BACH2: variants seen among roughly 807,000 people sequenced by gnomAD.
BACH2 encodes BACH transcriptional regulator 2, also known as transcription regulator protein BACH2.
Under a neutral mutation model 61.8 loss-of-function variants are expected in BACH2, and 5 were observed. The ratio of observed to expected loss-of-function variants is 0.08; its 90% CI spans 0.04 to 0.17. The LOEUF is 0.17. Ranked by LOEUF, BACH2 falls within the 10% of genes least tolerant of loss-of-function variation. The pLI is 1.00. For synonymous variants in BACH2, 446 were observed against 440.1 expected (o/e 1.01, Z -0.17); for missense variants, 824 against 1,091.1 (o/e 0.76, Z 3.45).
Position 90,138,799 on chromosome 6 carries a change from G to C in BACH2, c.-161-49690C>G, listed in dbSNP as rs73505253. ...ACTCCCAACAGCTCTATCAGGAATG[G>C]AAACAAACACAATGAGCTGGGGCAT... On this transcript the variant is annotated intron_variant, in intron 4 of 8. Transcript: ENST00000257749. Among the ~76,000 whole-genome samples the C allele has an allele frequency of 5.0e-3, 756 of 152,266 alleles. 10 individuals carry two copies. Among genetic ancestry groups the C allele is most frequent in the African/African-American group, 0.017 (720 of 41,536 alleles).
At chr6:90,088,537 T>C (rs1782026349) in intron 5 of BACH2, among the ~76,000 whole-genome samples, 1 of 152,208 alleles carries the variant, frequency 6.6e-6, no homozygotes, top group Non-Finnish European at 1.5e-5. Flanking sequence ...CTTAATTTAA[T>C]GCTATTTATT....
At chr6:90,283,438 C>A (rs1452137726) in intron 1 of BACH2, among the ~76,000 whole-genome samples, 2 of 151,000 alleles carry the variant, frequency 1.3e-5, no homozygotes. Flanking sequence ...TGCTGTGGTG[C>A]GATCTTGGCT....
chr6:90,197,708 G>C (rs761032999), intron 4 of BACH2, among the ~76,000 whole-genome samples: 4 of 152,126 alleles, frequency 2.6e-5, no homozygotes, highest in African/African-American at 9.7e-5. Flanking sequence ...GATGATGTAG[G>C]ACAAGAACCT....
intron 3 of BACH2, among the ~76,000 whole-genome samples, chr6:90,244,691 A>G (rs1425190201): frequency 3.9e-5 from 6 of 152,126 alleles, no homozygotes; most frequent in Non-Finnish European, 8.8e-5. Flanking sequence ...TGCCTGTGCT[A>G]TGGGGACCAC....
At chr6:90,165,306 T>C (rs376927618) in intron 4 of BACH2, among the ~76,000 whole-genome samples, 4 of 152,146 alleles carry the variant, frequency 2.6e-5, no homozygotes, top group South Asian at 2.1e-4. Context: ...AACTCCCATT[T>C]ACAATTGCTT....
At chr6:90,222,290 G>A (rs762240263) in intron 3 of BACH2, among the ~76,000 whole-genome samples, 1 of 152,172 alleles carries the variant, frequency 6.6e-6, no homozygotes, top group Non-Finnish European at 1.5e-5. Context: ...TTTATTTCAT[G>A]AGACAATGGC....
At chr6:90,166,341 A>G (rs1767616200) in intron 4 of BACH2, among the ~76,000 whole-genome samples, 1 of 152,142 alleles carries the variant, frequency 6.6e-6, no homozygotes, top group Non-Finnish European at 1.5e-5. Flanking sequence ...AATGCAAATC[A>G]AAACCACAAT....
At chr6:89,990,776 G>C in intron 6 of BACH2, among the ~76,000 whole-genome samples, 1 of 152,114 alleles carries the variant, frequency 6.6e-6, no homozygotes, top group East Asian at 1.9e-4. Flanking sequence ...TTAAGTTGCT[G>C]ATCACTAACT....
At chr6:90,163,660 C>T (rs1767489751) in intron 4 of BACH2, among the ~76,000 whole-genome samples, 1 of 152,104 alleles carries the variant, frequency 6.6e-6, no homozygotes, top group African/African-American at 2.4e-5. Context: ...CATTCCCATC[C>T]TGTGAAATTA....
At chr6:90,005,941 A>T (rs528700770) in intron 6 of BACH2, among the ~76,000 whole-genome samples, 10 of 152,340 alleles carry the variant, frequency 6.6e-5, no homozygotes, top group African/African-American at 2.4e-4. Context: ...TCTCACTTAA[A>T]TGAGAACACA....
At chr6:90,106,314 T>C (rs1303627010) in intron 4 of BACH2, among the ~76,000 whole-genome samples, 2 of 152,260 alleles carry the variant, frequency 1.3e-5, no homozygotes, top group East Asian at 1.9e-4. Context: ...AGTAATGTGC[T>C]GAATAATGAC....
rs1582546701 is a variant in BACH2, at chr6:90,263,984, G to A, written c.-353+7865C>T. Among the ~76,000 whole-genome samples the A allele has an allele frequency of 2.6e-5, 4 of 152,230 alleles. No individual in the cohort carries two copies. In the East Asian group the frequency reaches 7.7e-4, roughly 29 times the overall value. On this transcript the variant is annotated intron_variant, in intron 2 of 8. Transcript: ENST00000257749. ...AGCTTATAACCCTGGCCAAAACACT[G>A]ACTTCAGAGCACCAGGAGAAACTCC...
At chr6:90,009,421 T>C (rs946261524) in intron 5 of BACH2, among the ~76,000 whole-genome samples, 1 of 152,234 alleles carries the variant, frequency 6.6e-6, no homozygotes, top group African/African-American at 2.4e-5. Context: ...GAAGACTCAG[T>C]AGAGTCAGCT....
chr6:89,977,793 T>C (rs1032038203), intron 6 of BACH2, among the ~76,000 whole-genome samples: 12 of 152,152 alleles, frequency 7.9e-5, no homozygotes, highest in Non-Finnish European at 1.5e-4. Context: ...TGTCAGTAAA[T>C]AGAGCAAAGT....
intron 3 of BACH2, among the ~76,000 whole-genome samples, chr6:90,209,249 A>G (rs1769260080): frequency 8.1e-6 from 1 of 122,924 alleles, no homozygotes; most frequent in Non-Finnish European, 2.0e-5. Context: ...ATATTTTAAC[A>G]ATAATGTACA....
chr6:89,993,027 C>A (rs146506527), intron 6 of BACH2, among the ~76,000 whole-genome samples: 8 of 152,128 alleles, frequency 5.3e-5, no homozygotes, highest in Admixed American at 2.0e-4. Context: ...TGTCCACACA[C>A]GCACAGAGGA....
chr6:89,950,429 T>C lies in BACH2; in HGVS notation c.1677A>G (p.Thr559=). 1.2e-6 allele frequency: 2 copies of C among 1,614,190 alleles called. No homozygotes were observed. The highest frequency in any genetic ancestry group is 8.5e-7 in the Non-Finnish European group (1 of 1,180,028). ...CCATCAGGCCTGGTTCCTGATGTTC[T>C]GTGGCAAGGAATCTGGCTCCCTGGG... The part of the protein sequence containing the change: ...PCSQGARFLA[T]EHQEPGLMGD... Residue 559 remains threonine, a synonymous_variant, in exon 7 of 9, where the codon ACA becomes ACG. Transcript: ENST00000257749. This position sits in a 1 kb window ranked among gnomAD's most constrained non-coding sequence, Gnocchi z 5.3.
intron 7 of BACH2, among the ~76,000 whole-genome samples, chr6:89,945,230 G>A (rs1056453258): frequency 6.6e-6 from 1 of 152,170 alleles, no homozygotes; most frequent in Admixed American, 6.5e-5. Flanking sequence ...GCTCACAGCA[G>A]CATTATTTAT....
At chr6:90,146,221 C>T (rs1465615553) in intron 4 of BACH2, among the ~76,000 whole-genome samples, 1 of 151,676 alleles carries the variant, frequency 6.6e-6, no homozygotes, top group Non-Finnish European at 1.5e-5. Flanking sequence ...AGTGATGTTA[C>T]CTGACTCTGT....
Sources: allele counts gnomAD v4.1 joint callset (sites outside exome capture counted in the v4.1 genomes callset), GRCh38; gene constraint gnomAD v4.1.1; non-coding constraint Gnocchi (gnomAD v3.1); transcripts MANE v1.5; gene names NCBI Gene and HGNC (gene_info 2026-07-23, HGNC 2026-07-21).